RBM19: variants seen among roughly 807,000 people sequenced by gnomAD.
RBM19 encodes the protein RNA binding motif protein 19.
RBM19 carries 94 observed loss-of-function variants against 116.8 expected under a neutral mutation model. The ratio of observed to expected loss-of-function variants is 0.80; its 90% CI spans 0.68 to 0.95. The LOEUF (loss-of-function observed/expected upper bound fraction) is 0.95, where lower values mean the gene tolerates loss of function less well. Ranked by LOEUF, RBM19 falls within the 40% of genes least tolerant of loss-of-function variation. The pLI, the probability that RBM19 is intolerant of heterozygous loss-of-function variation, is 0.00. For synonymous variants in RBM19, 475 were observed against 494.1 expected (o/e 0.96, Z 0.51); for missense variants, 1,161 against 1,220.7 (o/e 0.95, Z 0.73).
chr12:113,955,418 C>A (rs538746780), intron 6 of RBM19, among the ~76,000 whole-genome samples: 1 of 152,026 alleles, frequency 6.6e-6, no homozygotes. Context: ...GCCCCTGAGA[C>A]GAGGGCTGGA....
chr12:113,876,963 A>T (rs1879712180), intron 21 of RBM19, among the ~76,000 whole-genome samples: 1 of 152,170 alleles, frequency 6.6e-6, no homozygotes, highest in African/African-American at 2.4e-5. Flanking sequence ...AAGGGCCAGG[A>T]CTGAAATCCC....
chr12:113,848,844 T>C (rs1052259423), intron 22 of RBM19, among the ~76,000 whole-genome samples: 3 of 152,222 alleles, frequency 2.0e-5, no homozygotes. Flanking sequence ...TGCACCTTTG[T>C]TCCTCTCCAA....
chr12:113,880,288 A>G (rs3782449), intron 21 of RBM19, among the ~76,000 whole-genome samples: 29,141 of 152,012 alleles, frequency 0.19, 3,471 homozygotes, highest in East Asian at 0.53. Context: ...TACCCCCTGA[A>G]GTGACAGATT....
chr12:113,879,821 T>C (rs2135786020), intron 21 of RBM19, among the ~76,000 whole-genome samples: 1 of 152,188 alleles, frequency 6.6e-6, no homozygotes, highest in Non-Finnish European at 1.5e-5. Context: ...CACCCCAGCT[T>C]GTACATGGCT....
chr12:113,841,239 G>A (rs1876443576), intron 23 of RBM19, among the ~76,000 whole-genome samples: 1 of 152,164 alleles, frequency 6.6e-6, no homozygotes. Context: ...CACATGCTGT[G>A]CCAATTCTGA....
Position 113,945,846 on chromosome 12 carries a change from C to T in RBM19, c.1608G>A (p.Lys536=), listed in dbSNP as rs12321179. The part of the protein sequence containing the change: ...DAIAQKYNAT[K]SQVFDHETKG... ...TACTCACGTGGTCAAACACTTGACT[C>T]TTGGTGGCGTTGTACTTCTGTGCGA... The change falls in exon 13 of 24, where the codon AAG becomes AAA. Residue 536 remains lysine (K), a synonymous_variant. Transcript: ENST00000261741. 0.12 allele frequency: 185,332 copies of T among 1,570,266 alleles called. 13,203 individuals carry two copies. The highest frequency in any genetic ancestry group is 0.33 in the African/African-American group (24,092 of 73,864).
chr12:113,881,607 A>G (rs1341477434), intron 21 of RBM19, among the ~76,000 whole-genome samples: 1 of 152,164 alleles, frequency 6.6e-6, no homozygotes, highest in Non-Finnish European at 1.5e-5. Context: ...ATTAATAAAA[A>G]CCCTGACGTG....
At chr12:113,840,964 C>T (rs1240680295) in intron 23 of RBM19, among the ~76,000 whole-genome samples, 1 of 152,178 alleles carries the variant, frequency 6.6e-6, no homozygotes, top group East Asian at 1.9e-4. Context: ...AATTCTGCTC[C>T]CCCCTGGGGC....
intron 21 of RBM19, among the ~76,000 whole-genome samples, chr12:113,895,695 G>A (rs1881273378): frequency 6.6e-6 from 1 of 152,102 alleles, no homozygotes; most frequent in Non-Finnish European, 1.5e-5. Flanking sequence ...CACAAGACTT[G>A]GGTGGCAGTG....
intron 21 of RBM19, among the ~76,000 whole-genome samples, chr12:113,867,717 A>C (rs939066209): frequency 6.6e-6 from 1 of 152,170 alleles, no homozygotes; most frequent in Non-Finnish European, 1.5e-5. Context: ...GGTTAGGAGT[A>C]CTAGACTGCC....
intron 9 of RBM19, 25 bp downstream of exon 9, chr12:113,950,058 G>C (rs768888555): frequency 4.5e-6 from 7 of 1,560,634 alleles, no homozygotes; most frequent in Non-Finnish European, 6.2e-6. Flanking sequence ...AACACAGAGA[G>C]AGCACATGGC....
chr12:113,854,008 A>G (rs1877682130), intron 22 of RBM19, among the ~76,000 whole-genome samples: 1 of 152,154 alleles, frequency 6.6e-6, no homozygotes, highest in Non-Finnish European at 1.5e-5. Context: ...GGAGCTACCC[A>G]GAGCCTGGCG....
intron 23 of RBM19, among the ~76,000 whole-genome samples, chr12:113,831,298 T>C (rs2135692975): frequency 6.6e-6 from 1 of 152,224 alleles, no homozygotes; most frequent in East Asian, 1.9e-4. Flanking sequence ...ACCCCACTAC[T>C]TTCATTTGTG....
At chr12:113,859,900 TA>T (rs1333391434) in intron 21 of RBM19, among the ~76,000 whole-genome samples, 2 of 151,822 alleles carry the variant, frequency 1.3e-5, no homozygotes, top group Non-Finnish European at 1.5e-5. Flanking sequence ...ACTGATTGGG[TA>T]AAAAACACAG....
At chr12:113,890,350 G>A (rs1880876973) in intron 21 of RBM19, among the ~76,000 whole-genome samples, 1 of 152,124 alleles carries the variant, frequency 6.6e-6, no homozygotes, top group Non-Finnish European at 1.5e-5. Context: ...TCCCTGCCTT[G>A]CTCTCTGGTG....
In RBM19 at chr12:113,891,781, G is replaced by A. The variant is rs148572075; in HGVS notation, c.2558+23188C>T. Among the ~76,000 whole-genome samples the A allele has an allele frequency of 4.6e-3, 708 of 152,300 alleles. 5 individuals carry two copies. Among genetic ancestry groups the A allele is most frequent in the African/African-American group, 0.016 (653 of 41,548 alleles). On this transcript the variant is annotated intron_variant, in intron 21 of 23. Transcript: ENST00000261741. ...AAAAAGATAAAACTTTTGCGAACAC[G>A]CCTCTGTTAAAGGGACTTGATTTAA...
intron 23 of RBM19, among the ~76,000 whole-genome samples, chr12:113,830,570 CGGGGCGGG>C (rs1875299067): frequency 2.5e-4 from 2 of 7,850 alleles, no homozygotes; most frequent in East Asian, 1.9e-3. Flanking sequence ...GCTAGGGCTG[CGGGGCGGG>C]GGGGGGGGGG....
intron 16 of RBM19, among the ~76,000 whole-genome samples, chr12:113,927,766 A>C (rs779057390): frequency 6.6e-6 from 1 of 152,204 alleles, no homozygotes; most frequent in Non-Finnish European, 1.5e-5. Flanking sequence ...GCATTACTTC[A>C]GGAAGCATAT....
intron 21 of RBM19, among the ~76,000 whole-genome samples, chr12:113,872,170 C>T (rs1238500375): frequency 1.2e-4 from 17 of 147,428 alleles, no homozygotes; most frequent in African/African-American, 3.9e-4. Flanking sequence ...AGCGCCTCTG[C>T]CCTGCCGCCC....
Sources: allele counts gnomAD v4.1 joint callset (sites outside exome capture counted in the v4.1 genomes callset), GRCh38; gene constraint gnomAD v4.1.1; transcripts MANE v1.5; gene names NCBI Gene and HGNC (gene_info 2026-07-23, HGNC 2026-07-21).